COP1: variants seen among roughly 807,000 people sequenced by gnomAD.
The protein encoded by COP1 is COP1 E3 ubiquitin ligase, also known as E3 ubiquitin-protein ligase COP1.
COP1 carries 24 observed loss-of-function variants against 101.3 expected under a neutral mutation model. That is an observed-to-expected ratio of 0.24 (90% CI 0.17 to 0.33). The LOEUF is 0.33. Ranked by LOEUF, COP1 falls within the 10% of genes least tolerant of loss-of-function variation. The pLI, the probability that COP1 is intolerant of heterozygous loss-of-function variation, is 1.00. For synonymous variants in COP1, 347 were observed against 341.9 expected (o/e 1.01, Z -0.17); for missense variants, 663 against 906.2 (o/e 0.73, Z 3.45).
intron 11 of COP1, among the ~76,000 whole-genome samples, chr1:176,062,578 G>A (rs1164773882): frequency 6.6e-6 from 1 of 152,142 alleles, no homozygotes; most frequent in Non-Finnish European, 1.5e-5. Flanking sequence ...CATTTTGGCA[G>A]CTTCTTAAAA....
chr1:176,187,272 CA>C (rs1445492315), intron 1 of COP1, among the ~76,000 whole-genome samples: 2 of 152,056 alleles, frequency 1.3e-5, no homozygotes, highest in Non-Finnish European at 2.9e-5. Flanking sequence ...ACTACAGGTG[CA>C]TATCACCACA....
At chr1:175,972,418 TA>T (rs1653448519) in intron 18 of COP1, among the ~76,000 whole-genome samples, 1 of 150,888 alleles carries the variant, frequency 6.6e-6, no homozygotes, top group Non-Finnish European at 1.5e-5. Context: ...ACTTAACACA[TA>T]CCATCTGAGG....
intron 5 of COP1, 119 bp downstream of exon 5, chr1:176,162,750 A>G (rs1463809012): frequency 5.2e-6 from 4 of 774,860 alleles, no homozygotes; most frequent in Non-Finnish European, 7.7e-6. Context: ...AGCTGTTTCT[A>G]GCTGAGTAAA....
chr1:176,068,201 TCTTC>T (rs1362984492), intron 11 of COP1, among the ~76,000 whole-genome samples: 2 of 152,284 alleles, frequency 1.3e-5, no homozygotes, highest in African/African-American at 2.4e-5. Context: ...ATTAGAAATG[TCTTC>T]CTTCCTTCCC....
At chr1:175,985,474 G>A (rs1190061431) in intron 18 of COP1, among the ~76,000 whole-genome samples, 2 of 152,114 alleles carry the variant, frequency 1.3e-5, no homozygotes, top group African/African-American at 2.4e-5. Flanking sequence ...AGATGCAATC[G>A]CTATGAAGAC....
chr1:176,187,307 C>CACACATATATACACACACATAT (rs1343083303), intron 1 of COP1, among the ~76,000 whole-genome samples: 3 of 151,968 alleles, frequency 2.0e-5, no homozygotes, highest in Non-Finnish European at 4.4e-5. Flanking sequence ...TATATACATA[C>CACACATATATACACACACATAT]ACACATATAT....
chr1:175,996,171 GA>G (rs1318835168), intron 15 of COP1, among the ~76,000 whole-genome samples: 1 of 152,194 alleles, frequency 6.6e-6, no homozygotes, highest in African/African-American at 2.4e-5. Flanking sequence ...AATAGATGCA[GA>G]AAAGGCCTTT....
chr1:176,020,327 A>G (rs940221146), intron 15 of COP1, among the ~76,000 whole-genome samples: 1 of 151,806 alleles, frequency 6.6e-6, no homozygotes, highest in South Asian at 2.1e-4. Flanking sequence ...AAAAAAAAAA[A>G]AAAACCTTCA....
At chr1:176,022,181 C>T (rs1666865723) in intron 15 of COP1, among the ~76,000 whole-genome samples, 1 of 151,962 alleles carries the variant, frequency 6.6e-6, no homozygotes, top group Admixed American at 6.6e-5. Context: ...GGTGAAAGAA[C>T]AAAATAACAA....
intron 8 of COP1, 87 bp downstream of exon 8, chr1:176,134,923 A>ACAG: frequency 1.1e-6 from 1 of 915,826 alleles, no homozygotes; most frequent in Non-Finnish European, 1.8e-6. Flanking sequence ...GGTTTCATAC[A>ACAG]CTGCATGGAA....
At chr1:176,018,524 T>TC (rs1469492391) in intron 15 of COP1, 1 of 152,128 alleles carries the variant, frequency 6.6e-6, no homozygotes, top group Non-Finnish European at 1.5e-5. Flanking sequence ...CCCTTTTTAC[T>TC]CTTTTTTTCT....
At chr1:176,009,811 T>A (rs1170779779) in intron 15 of COP1, among the ~76,000 whole-genome samples, 1 of 146,466 alleles carries the variant, frequency 6.8e-6, no homozygotes, top group Non-Finnish European at 1.5e-5. Context: ...GAAGATGGTC[T>A]ACACCTTTAC....
chr1:176,029,972 C>T (rs944418182), intron 14 of COP1, among the ~76,000 whole-genome samples: 1 of 151,966 alleles, frequency 6.6e-6, no homozygotes, highest in Non-Finnish European at 1.5e-5. Context: ...TTTTTTGAGA[C>T]AAGGTCTCAA....
intron 18 of COP1, among the ~76,000 whole-genome samples, chr1:175,965,341 T>C (rs1014043558): frequency 1.3e-5 from 2 of 152,136 alleles, no homozygotes; most frequent in Non-Finnish European, 2.9e-5. Flanking sequence ...ATATAAGATA[T>C]AGGGATTCTT....
At chr1:175,988,603 C>A (rs567333237) in intron 16 of COP1, 191 bp from the exon 17 acceptor site, 1 of 451,598 alleles carries the variant, frequency 2.2e-6, no homozygotes, top group Admixed American at 3.8e-5. Context: ...TAGGCCGAGG[C>A]AGGTGGACCA....
chr1:176,173,986 CAAAAA>C (rs1212803591), intron 3 of COP1, among the ~76,000 whole-genome samples: 1,030 of 49,080 alleles, frequency 0.021, 23 homozygotes, highest in Admixed American at 0.035. Context: ...GATGCTGTCT[CAAAAA>C]AAAAAAAAAA....
intron 17 of COP1, among the ~76,000 whole-genome samples, chr1:175,987,464 A>G (rs571554290): frequency 6.6e-6 from 1 of 152,308 alleles, no homozygotes; most frequent in South Asian, 2.1e-4. Context: ...AACCAGAAAT[A>G]TATTATAAGA....
chr1:175,999,129 A>G (rs1660990662), intron 15 of COP1, among the ~76,000 whole-genome samples: 1 of 152,098 alleles, frequency 6.6e-6, no homozygotes, highest in African/African-American at 2.4e-5. Flanking sequence ...ATAAAAAATT[A>G]AAAATAAAAA....
At chr1:176,174,329 AG>A (rs1224651659) in intron 3 of COP1, among the ~76,000 whole-genome samples, 2 of 152,170 alleles carry the variant, frequency 1.3e-5, no homozygotes, top group African/African-American at 4.8e-5. Flanking sequence ...ACAGGGACAA[AG>A]GATTTTGCCC....
Sources: gnomAD v4.1 joint callset for allele counts (sites outside exome capture counted in the v4.1 genomes callset) on GRCh38, gnomAD v4.1.1 for gene constraint, MANE v1.5 for transcripts, NCBI Gene and HGNC (gene_info 2026-07-23, HGNC 2026-07-21) for gene names.